Variants in ESD observed in about 807,000 individuals in gnomAD.
ESD encodes the protein esterase D.
In ESD, 34 loss-of-function variants were observed where a neutral mutation model predicts 38.1. The ratio of observed to expected loss-of-function variants is 0.89; its 90% CI spans 0.68 to 1.19. The LOEUF (loss-of-function observed/expected upper bound fraction) is 1.19, where lower values mean the gene tolerates loss of function less well. Ranked by LOEUF, ESD falls within the 50% of genes most tolerant of loss-of-function variation. The pLI, the probability that ESD is intolerant of heterozygous loss-of-function variation, is 0.00. For synonymous variants in ESD, 97 were observed against 107.0 expected (o/e 0.91, Z 0.58); for missense variants, 334 against 327.2 (o/e 1.02, Z -0.16).
chr13:46,793,061 T>C (rs1875451628), intron 2 of ESD, among the ~76,000 whole-genome samples: 2 of 152,106 alleles, frequency 1.3e-5, no homozygotes, highest in African/African-American at 2.4e-5. Flanking sequence ...ATGCTTTTCA[T>C]TTGGCCAGAA....
intron 9 of ESD, among the ~76,000 whole-genome samples, chr13:46,772,448 C>T (rs959348964): frequency 1.3e-5 from 2 of 152,028 alleles, no homozygotes. Flanking sequence ...TGTTGTTCAA[C>T]TTTTAAGTTC....
In ESD at chr13:46,777,543, C is replaced by A; in HGVS notation, c.681G>T (p.Gln227His). ...DILIDQGKDD[Q>H]FLLDGQLLPD... The stretch of plus-strand genomic sequence containing the variant: ...GGAGTAACTGTCCATCTAAAAGAAA[C>A]TGGTCATCTTTCCCTTGATCAATTA... Residue 227 changes from glutamine (Q) to histidine (H), a missense_variant, in exon 9 of 10, where the codon CAG becomes CAT. Coordinates refer to ENST00000378720, the MANE Select transcript of ESD (RefSeq NM_001984.2). 1 of 1,611,714 alleles carries A rather than the reference C, an allele frequency of 6.2e-7. No individual in the cohort carries two copies. Among genetic ancestry groups the A allele is most frequent in the Non-Finnish European group, 8.5e-7 (1 of 1,178,404 alleles).
intron 8 of ESD, among the ~76,000 whole-genome samples, chr13:46,778,953 C>A (rs1009533821): frequency 4.0e-5 from 6 of 151,288 alleles, no homozygotes; most frequent in African/African-American, 1.5e-4. Context: ...ACCCTGAACA[C>A]AGAACTATAC....
At chr13:46,777,348 A>C in intron 9 of ESD, 108 bp downstream of exon 9, 1 of 835,730 alleles carries the variant, frequency 1.2e-6, no homozygotes, top group Non-Finnish European at 1.7e-6. Context: ...TTAAAAACTT[A>C]CTAGAAGTAG....
chr13:46,780,226 A>C (rs1308840253), intron 7 of ESD, among the ~76,000 whole-genome samples, 193 bp from the exon 8 acceptor site: 2 of 151,648 alleles, frequency 1.3e-5, no homozygotes, highest in African/African-American at 2.4e-5. Context: ...TCCATAATAC[A>C]TCTTTTGTGT....
At chr13:46,786,651 A>G (rs1367829113) in intron 4 of ESD, among the ~76,000 whole-genome samples, 1 of 151,974 alleles carries the variant, frequency 6.6e-6, no homozygotes, top group African/African-American at 2.4e-5. Flanking sequence ...CTGGTTTCTA[A>G]TTAGAGTATC....
chr13:46,790,010 T>TATA (rs1566283616), intron 3 of ESD, among the ~76,000 whole-genome samples: 37 of 140,838 alleles, frequency 2.6e-4, no homozygotes, highest in African/African-American at 1.0e-3. Flanking sequence ...ATATATATAT[T>TATA]TTTTTTTTTT....
chr13:46,772,696 CTT>C (rs553166742), intron 9 of ESD, among the ~76,000 whole-genome samples: 3 of 146,366 alleles, frequency 2.0e-5, no homozygotes, highest in Non-Finnish European at 1.5e-5. Flanking sequence ...GGTGTTTGGT[CTT>C]TTTTTTTTTT....
chr13:46,775,695 G>C (rs1301108394), intron 9 of ESD: 1 of 468,974 alleles, frequency 2.1e-6, no homozygotes, highest in Non-Finnish European at 4.4e-6. Context: ...CGACCATGCT[G>C]GAAGTAAAGT....
chr13:46,782,558 T>C, intron 6 of ESD, 109 bp downstream of exon 6: 3 of 1,208,624 alleles, frequency 2.5e-6, no homozygotes, highest in Non-Finnish European at 3.5e-6. Context: ...GAATTTTTAC[T>C]AGTAACTTTT....
chr13:46,795,608 G>A (rs1434793221), intron 1 of ESD, among the ~76,000 whole-genome samples: 2 of 152,070 alleles, frequency 1.3e-5, no homozygotes, highest in African/African-American at 2.4e-5. Flanking sequence ...GGAAGACCAT[G>A]TTAATTGTAC....
In ESD at chr13:46,780,007, G is replaced by T; in HGVS notation, c.528C>A (p.Cys176Ter). 1 of 1,597,194 alleles carries T rather than the reference G, an allele frequency of 6.3e-7. No homozygotes were observed. The highest frequency in any genetic ancestry group is 1.1e-5 in the South Asian group (1 of 89,056). The change falls in exon 8 of 10, where the codon TGC (cysteine) becomes TGA (stop). Residue 176 changes from cysteine to a stop codon, truncating the protein, a stop_gained. Transcript: ENST00000378720. LOFTEE classifies it high-confidence loss of function. Reference sequence around the variant, plus strand: ...TGCCCCAGGGACAGAGTACAGGGTTGCAAATTGGAGCAAATGCTGACACAG... The same window carrying T: ...TGCCCCAGGGACAGAGTACAGGGTTTCAAATTGGAGCAAATGCTGACACAG... ...YKSVSAFAPI[C>*]NPVLCPWGKK...
chr13:46,771,486 T>C lies in ESD; in HGVS notation c.779A>G (p.His260Arg), dbSNP rs781485567. The C allele has an allele frequency of 4.4e-6, 7 of 1,596,002 alleles. No homozygotes were observed. The highest frequency in any genetic ancestry group is 6.0e-6 in the Non-Finnish European group (7 of 1,164,648). The change falls in exon 10 of 10, where the codon CAT becomes CGT. Residue 260 changes from histidine to arginine, a missense_variant. His to Arg is a conservative substitution (Grantham distance 29). Transcript: ENST00000378720. ...VVFRLQEGYD[H>R]SYYFIATFIT... is the part of the protein sequence containing the mutation. ...AAAGGTTGCAATGAAGTAGTAGCTA[T>C]GATCATAACCCTAGAAGATAAAGAG...
At chr13:46,781,315 T>C (rs973467390) in intron 7 of ESD, among the ~76,000 whole-genome samples, 181 bp downstream of exon 7, 1 of 151,814 alleles carries the variant, frequency 6.6e-6, no homozygotes, top group Non-Finnish European at 1.5e-5. Flanking sequence ...CCTATGCGTC[T>C]GATTCTGCAG....
At chr13:46,782,870 G>T in intron 5 of ESD, 79 bp from the exon 6 acceptor site, 3 of 1,538,460 alleles carry the variant, frequency 1.9e-6, no homozygotes, top group Non-Finnish European at 2.7e-6. Flanking sequence ...AGATGAATCT[G>T]CAAGTCCATT....
At chr13:46,783,158 T>C (rs770846094) in intron 5 of ESD, among the ~76,000 whole-genome samples, 27 of 151,962 alleles carry the variant, frequency 1.8e-4, no homozygotes, top group Non-Finnish European at 4.0e-4. Flanking sequence ...CTTTCAGAAA[T>C]GTGTTGTGAT....
chr13:46,775,548 T>A, intron 9 of ESD: 1 of 439,776 alleles, frequency 2.3e-6, no homozygotes, highest in South Asian at 1.7e-5. Context: ...CCCAGGGTAA[T>A]CTTGGGTCAA....
chr13:46,776,176 G>A (rs1383897504), intron 9 of ESD: 1 of 153,282 alleles, frequency 6.5e-6, no homozygotes, highest in Non-Finnish European at 1.5e-5. Context: ...ATTTAATTGT[G>A]ATGGTAAATG....
rs376230652 is a variant in ESD, at chr13:46,777,549, A to G, written c.675T>C (p.Asp225=). Reference sequence around the variant, plus strand: ...ACTGTCCATCTAAAAGAAACTGGTCATCTTTCCCTTGATCAATTAGTATGT... The same window carrying G: ...ACTGTCCATCTAAAAGAAACTGGTCGTCTTTCCCTTGATCAATTAGTATGT... ...QLDILIDQGK[D]DQFLLDGQLL... Residue 225 remains aspartate (D), a synonymous_variant, in exon 9 of 10, where the codon GAT becomes GAC. Transcript: ENST00000378720. The G allele has an allele frequency of 2.4e-4, 386 of 1,611,676 alleles. 1 individual carries two copies. Among genetic ancestry groups the G allele is most frequent in the Non-Finnish European group, 2.7e-4 (319 of 1,178,422 alleles).
Sources: gnomAD v4.1 joint callset for allele counts (sites outside exome capture counted in the v4.1 genomes callset) on GRCh38, gnomAD v4.1.1 for gene constraint, MANE v1.5 for transcripts, NCBI Gene and HGNC (gene_info 2026-07-23, HGNC 2026-07-21) for gene names.